The following MED27 variants were observed in gnomAD, a reference collection of about 807,000 sequenced individuals.
MED27 encodes the protein mediator complex subunit 27.
In MED27, 30 loss-of-function variants were observed where a neutral mutation model predicts 38.2. That is an observed-to-expected ratio of 0.79 (90% confidence interval 0.59 to 1.07). MED27 has a LOEUF of 1.07. Ranked by LOEUF, MED27 falls within the 50% of genes least tolerant of loss-of-function variation. MED27 has a pLI of 0.00. For missense variants in MED27, 289 were observed against 397.5 expected, an observed-to-expected ratio of 0.73 and a Z score of 2.32; for synonymous variants, 122 against 153.5, an observed-to-expected ratio of 0.79 and a Z score of 1.52.
chr9:131,979,439 C>G (rs1831682505), intron 3 of MED27, among the ~76,000 whole-genome samples: 2 of 143,074 alleles, frequency 1.4e-5, no homozygotes, highest in Admixed American at 7.2e-5. Flanking sequence ...GTTTTTCTAA[C>G]TAAGTCACAC....
chr9:131,957,287 G>A (rs931103337), intron 3 of MED27, among the ~76,000 whole-genome samples: 1 of 151,744 alleles, frequency 6.6e-6, no homozygotes, highest in African/African-American at 2.4e-5. Context: ...TGGAGACAGG[G>A]TGTTGCTCAG....
chr9:131,954,384 G>A (rs2130989146), intron 3 of MED27, among the ~76,000 whole-genome samples: 1 of 152,250 alleles, frequency 6.6e-6, no homozygotes, highest in African/African-American at 2.4e-5. Context: ...CTTTTCAAAG[G>A]AGTTAAAAAC....
At chr9:131,955,740 T>TA (rs35925322) in intron 3 of MED27, among the ~76,000 whole-genome samples, 1 of 152,174 alleles carries the variant, frequency 6.6e-6, no homozygotes, top group Admixed American at 6.5e-5. Flanking sequence ...AATTTGTTAT[T>TA]AAAAATCTTC....
chr9:132,016,949 G>A (rs1169756656), intron 2 of MED27, among the ~76,000 whole-genome samples: 1 of 152,142 alleles, frequency 6.6e-6, no homozygotes, highest in East Asian at 1.9e-4. Flanking sequence ...TGCTCTCAGT[G>A]TACAGTGCAC....
intron 2 of MED27, among the ~76,000 whole-genome samples, chr9:132,039,150 GAGA>G (rs1300359493): frequency 2.0e-5 from 3 of 152,182 alleles, no homozygotes; most frequent in Non-Finnish European, 4.4e-5. Flanking sequence ...TTTCTAGATG[GAGA>G]AGTTCTCAAG....
intron 3 of MED27, among the ~76,000 whole-genome samples, chr9:131,954,149 TGAA>T (rs1353089821): frequency 6.6e-6 from 1 of 152,206 alleles, no homozygotes; most frequent in Non-Finnish European, 1.5e-5. Context: ...TTGCATATAT[TGAA>T]GAAGGAGAAA....
At chr9:131,908,137 GC>G (rs1830108275) in intron 4 of MED27, among the ~76,000 whole-genome samples, 1 of 100,874 alleles carries the variant, frequency 9.9e-6, no homozygotes, top group South Asian at 2.9e-4. Context: ...GGGGGGGTCA[GC>G]CCCCCGCTCG....
At chr9:131,863,035 A>G (rs1838677344) in intron 7 of MED27, 28 bp downstream of exon 7, 4 of 1,605,874 alleles carry the variant, frequency 2.5e-6, no homozygotes, top group Non-Finnish European at 3.4e-6. Flanking sequence ...AGGTTTAAAC[A>G]GGAGACCTGA....
chr9:132,025,763 G>A (rs1832803618), intron 2 of MED27, among the ~76,000 whole-genome samples: 1 of 152,186 alleles, frequency 6.6e-6, no homozygotes, highest in Non-Finnish European at 1.5e-5. Context: ...GAGTTAGTGA[G>A]GGTTAAGAAC....
intron 4 of MED27, among the ~76,000 whole-genome samples, chr9:131,903,345 C>T (rs1054809750): frequency 6.6e-6 from 1 of 152,216 alleles, no homozygotes; most frequent in African/African-American, 2.4e-5. Flanking sequence ...GAAAGACCCA[C>T]CCCCATGATT....
In MED27 at chr9:132,007,396, T is replaced by C. The variant is rs117591403; in HGVS notation, c.479+6941A>G. Among the ~76,000 whole-genome samples, 17 of 152,258 alleles carry C rather than the reference T, an allele frequency of 1.1e-4. No homozygotes were observed. In the East Asian group the frequency reaches 1.7e-3, roughly 16 times the overall value. ...TAAAATGGAACCAACCGCTGATACATGCAACATAAAGGAATCTCAAAAACA... is the reference window on the plus strand; with the variant it reads ...TAAAATGGAACCAACCGCTGATACACGCAACATAAAGGAATCTCAAAAACA... On this transcript the variant is annotated intron_variant, in intron 3 of 7. Coordinates refer to ENST00000292035, the MANE Select transcript of MED27 (RefSeq NM_004269.4).
At chr9:131,884,915 C>T (rs1272674420) in intron 5 of MED27, among the ~76,000 whole-genome samples, 1 of 152,130 alleles carries the variant, frequency 6.6e-6, no homozygotes, top group African/African-American at 2.4e-5. Flanking sequence ...ACCCTTTTTA[C>T]CATTTCAAAA....
At chr9:131,873,160 C>T (rs1838865693) in intron 6 of MED27, among the ~76,000 whole-genome samples, 3 of 152,190 alleles carry the variant, frequency 2.0e-5, no homozygotes, top group Non-Finnish European at 4.4e-5. Flanking sequence ...GTAGGAATCT[C>T]TTGGAAGGAG....
intron 3 of MED27, among the ~76,000 whole-genome samples, chr9:131,975,788 C>G (rs540466394): frequency 2.0e-5 from 3 of 152,198 alleles, no homozygotes; most frequent in Admixed American, 6.5e-5. Context: ...CAGGAACCCA[C>G]TAAAACTAAG....
chr9:132,056,621 AT>A lies in MED27; in HGVS notation c.348+20820del, dbSNP rs563583898. On this transcript the variant is annotated intron_variant, in intron 2 of 7. Transcript: ENST00000292035. ...ATCTGAAAAACCTCTGGTCCCAAGCATTTTGAAAAAGGGATGTTCAACCTGT... is the reference window on the plus strand; with the variant it reads ...ATCTGAAAAACCTCTGGTCCCAAGCATTTGAAAAAGGGATGTTCAACCTGT... Among the ~76,000 whole-genome samples, 196 of 152,360 alleles carry A rather than the reference AT, an allele frequency of 1.3e-3. 1 individual carries two copies. The highest frequency in any genetic ancestry group is 6.2e-3 in the Admixed American group (95 of 15,308).
chr9:132,065,454 C>A (rs1327159133), intron 2 of MED27, among the ~76,000 whole-genome samples: 1 of 152,208 alleles, frequency 6.6e-6, no homozygotes, highest in African/African-American at 2.4e-5. Flanking sequence ...CAAAAAGGTG[C>A]AGGGGTGGTG....
chr9:132,041,359 C>A (rs1013791662), intron 2 of MED27, among the ~76,000 whole-genome samples: 5 of 152,228 alleles, frequency 3.3e-5, no homozygotes, highest in African/African-American at 1.2e-4. Context: ...CACATCCACT[C>A]TCACACCATC....
At chr9:132,067,661 C>A (rs535360016) in intron 2 of MED27, among the ~76,000 whole-genome samples, 1 of 152,232 alleles carries the variant, frequency 6.6e-6, no homozygotes, top group African/African-American at 2.4e-5. Flanking sequence ...TCCTCGCCCC[C>A]CAACCAAAAA....
chr9:132,012,148 T>C (rs1589265249), intron 3 of MED27, among the ~76,000 whole-genome samples: 1 of 152,360 alleles, frequency 6.6e-6, no homozygotes, highest in East Asian at 1.9e-4. Context: ...TCCAGTCTTA[T>C]GGGACCATTA....
Sources: gnomAD v4.1 joint callset for allele counts (sites outside exome capture counted in the v4.1 genomes callset) on GRCh38, gnomAD v4.1.1 for gene constraint, MANE v1.5 for transcripts, NCBI Gene and HGNC (gene_info 2026-07-23, HGNC 2026-07-21) for gene names.